The following PALMD variants were observed in gnomAD, a reference collection of about 807,000 sequenced individuals.
PALMD encodes the protein paralemmin-like protein.
PALMD carries 42 observed loss-of-function variants against 56.2 expected under a neutral mutation model. That is an observed-to-expected ratio of 0.75 (90% CI 0.58 to 0.97). The LOEUF is 0.97. Among genes scored for constraint, PALMD ranks in the 50% least tolerant of loss-of-function variants. PALMD has a pLI of 0.00. For missense variants in PALMD, 660 were observed against 643.8 expected, an observed-to-expected ratio of 1.03 and a Z score of -0.27; for synonymous variants, 242 against 222.9, an observed-to-expected ratio of 1.09 and a Z score of -0.76.
At position 99,689,064 on chromosome 1, in the gene PALMD, G is replaced by A. The variant is rs1314139713; in HGVS notation, c.804G>A (p.Arg268=). 1.9e-6 allele frequency: 3 copies of A among 1,613,602 alleles called. No individual in the cohort carries two copies. The highest frequency in any genetic ancestry group is 1.7e-6 in the Non-Finnish European group (2 of 1,179,766). ...CTGTATATGCCAATCCCTTTTACAG[G>A]CCTACAACCCCACAGAGAGAAACGG... The part of the protein sequence containing the change: ...HEPVYANPFY[R]PTTPQRETVT... Residue 268 remains arginine (R), a synonymous_variant, in exon 7 of 8, where the codon AGG becomes AGA. Transcript: ENST00000263174.
In PALMD at chr1:99,689,600, TTGA is replaced by T. The variant is rs1358346019; in HGVS notation, c.1347_1349del (p.Asp449del). ...ATCATCCATGCTGAGCTGGTTGTGA[TTGA>T]TGATGAGGAGGAGGAGGATGAAGGA... On this transcript the variant is annotated inframe_deletion, in exon 7 of 8. Coordinates refer to ENST00000263174, the MANE Select transcript of PALMD (RefSeq NM_017734.5). The T allele has an allele frequency of 1.8e-5, 29 of 1,613,682 alleles. No individual in the cohort carries two copies. Among genetic ancestry groups the T allele is most frequent in the Non-Finnish European group, 2.2e-5 (26 of 1,179,850 alleles).
intron 2 of PALMD, 144 bp from the exon 3 acceptor site, chr1:99,667,498 C>A: frequency 1.4e-6 from 1 of 710,498 alleles, no homozygotes; most frequent in Non-Finnish European, 2.5e-6. Flanking sequence ...AAGAAAATAC[C>A]AGATTTATTC....
At chr1:99,658,559 C>G (rs957744723) in intron 1 of PALMD, among the ~76,000 whole-genome samples, 2 of 151,828 alleles carry the variant, frequency 1.3e-5, no homozygotes, top group Non-Finnish European at 2.9e-5. Context: ...ATCACGAGGT[C>G]AGGAGATCGA....
rs1557668738 is a variant in PALMD, at chr1:99,662,411, C to G, written c.126+12C>G. 3 of 1,363,772 alleles carry G rather than the reference C, an allele frequency of 2.2e-6. No homozygotes were observed. The highest frequency in any genetic ancestry group is 3.1e-6 in the Non-Finnish European group (3 of 967,866). 84.5% of individuals were successfully genotyped at this position (1,363,772 alleles called of 1,614,324 possible). ...ACCAGCATTTGAAGGTAATTTATGG[C>G]TTTAATTTCATTTCAATGATTTTGT... On this transcript the variant is annotated intron_variant, in intron 2 of 7. Coordinates refer to ENST00000263174, the MANE Select transcript of PALMD (RefSeq NM_017734.5).
At chr1:99,662,263 G>A in intron 1 of PALMD, 56 bp from the exon 2 acceptor site, 1 of 934,806 alleles carries the variant, frequency 1.1e-6, no homozygotes, top group Non-Finnish European at 1.7e-6. Flanking sequence ...CAACCCCAAG[G>A]AAACATAATT....
rs12073061 is a variant in PALMD, at chr1:99,676,359, C to T, written c.251+8593C>T. 6.1e-3 allele frequency among the ~76,000 whole-genome samples: 929 copies of T among 152,204 alleles called. 12 individuals carry two copies. Among genetic ancestry groups the T allele is most frequent in the African/African-American group, 0.021 (881 of 41,538 alleles). On this transcript the variant is annotated intron_variant, in intron 3 of 7. Transcript: ENST00000263174. The stretch of plus-strand genomic sequence containing the variant: ...TTTGTTCTCACCTACTGTCTATGCA[C>T]TGAATTATTCTTCATCTTTTTTGAT...
In PALMD at chr1:99,680,826, A is replaced by G. The variant is rs114671786; in HGVS notation, c.252-5850A>G. 5.8e-3 allele frequency among the ~76,000 whole-genome samples: 887 copies of G among 151,992 alleles called. 9 individuals are homozygous for G. Among genetic ancestry groups the G allele is most frequent in the African/African-American group, 0.021 (852 of 41,390 alleles). On this transcript the variant is annotated intron_variant, in intron 3 of 7. Coordinates refer to ENST00000263174, the MANE Select transcript of PALMD (RefSeq NM_017734.5). ...TATATCTATGTACATGCATACATGT[A>G]TGTGTATATGTGTGTATATATATGC...
chr1:99,652,526 C>A (rs1000728457), intron 1 of PALMD, among the ~76,000 whole-genome samples: 5 of 151,806 alleles, frequency 3.3e-5, no homozygotes, highest in Non-Finnish European at 5.9e-5. Flanking sequence ...ATTGCTTGAA[C>A]CTGGGAGGCA....
intron 1 of PALMD, among the ~76,000 whole-genome samples, chr1:99,659,730 C>T (rs1177413544): frequency 2.0e-5 from 3 of 152,174 alleles, no homozygotes; most frequent in African/African-American, 7.2e-5. Flanking sequence ...GGCAAAGGAA[C>T]AATAACTCTG....
chr1:99,679,204 A>G (rs1478266184), intron 3 of PALMD, among the ~76,000 whole-genome samples: 1 of 152,166 alleles, frequency 6.6e-6, no homozygotes, highest in Non-Finnish European at 1.5e-5. Flanking sequence ...CAAAGTATAG[A>G]TAAGAGCCAG....
At chr1:99,650,868 A>G (rs1452686855) in intron 1 of PALMD, among the ~76,000 whole-genome samples, 2 of 152,200 alleles carry the variant, frequency 1.3e-5, no homozygotes, top group African/African-American at 4.8e-5. Context: ...GAGAGTAAAA[A>G]CAAGTGTAAA....
At chr1:99,649,868 G>C (rs993105186) in intron 1 of PALMD, among the ~76,000 whole-genome samples, 5 of 152,146 alleles carry the variant, frequency 3.3e-5, no homozygotes, top group Non-Finnish European at 7.3e-5. Flanking sequence ...AAGAGAGTAA[G>C]AAGAAAGCTG....
At chr1:99,686,629 C>A in intron 3 of PALMD, 47 bp from the exon 4 acceptor site, 1 of 932,544 alleles carries the variant, frequency 1.1e-6, no homozygotes, top group Non-Finnish European at 1.7e-6. Flanking sequence ...GAGAACTCCG[C>A]ATTTGTACTG....
At position 99,683,088 on chromosome 1, in the gene PALMD, G is replaced by A. The variant is rs11166293; in HGVS notation, c.252-3588G>A. 3.1e-3 allele frequency among the ~76,000 whole-genome samples: 85 copies of A among 27,208 alleles called. 2 individuals carry two copies. Among genetic ancestry groups the A allele is most frequent in the South Asian group, 6.1e-3 (5 of 826 alleles). The allele number at this position is 27,208 out of a possible 152,430, so 17.8% of individuals were successfully genotyped here. A position where few individuals can be genotyped will look rare whatever the true frequency, so the allele number is the denominator to read the frequency against. On this transcript the variant is annotated intron_variant, in intron 3 of 7. Coordinates refer to ENST00000263174, the MANE Select transcript of PALMD (RefSeq NM_017734.5). ...AGAGAGAGAGAGAGAGAGAGAGAGA[G>A]AGAAAGAAAGAAAGAAAGAAAGAAA...
At chr1:99,691,520 C>T (rs541849428) in intron 7 of PALMD, among the ~76,000 whole-genome samples, 1 of 152,278 alleles carries the variant, frequency 6.6e-6, no homozygotes, top group East Asian at 1.9e-4. Context: ...AAATTCCTTG[C>T]CTTCCACCAT....
Position 99,689,839 on chromosome 1 carries a change from A to G in PALMD, c.1579A>G (p.Thr527Ala). ...CCATTCCCCATTTGATGCTCAGACA[A>G]CTGGAGATGGGACTGAGGATCCATC... The part of the protein sequence containing the change: ...VHHSPFDAQT[T>A]GDGTEDPSLT... Residue 527 changes from threonine (T) to alanine (A), a missense_variant, in exon 7 of 8, where the codon ACT (threonine) becomes GCT (alanine). Coordinates refer to ENST00000263174, the MANE Select transcript of PALMD (RefSeq NM_017734.5). 3.7e-6 allele frequency: 6 copies of G among 1,611,728 alleles called. No individual in the cohort carries two copies. The highest frequency in any genetic ancestry group is 5.1e-6 in the Non-Finnish European group (6 of 1,179,524).
rs1436559183 is a variant in PALMD at position 99,646,171 on chromosome 1, C to T, written c.-147C>T. ...CTGCTCGGAGACGCTCCTGACAAGT[C>T]GGGAATTTCTCTATTTCTCCACTGG... On this transcript the variant is annotated 5_prime_UTR_variant, in exon 1 of 8. Transcript: ENST00000263174. 1.8e-5 allele frequency: 12 copies of T among 672,624 alleles called. No homozygotes were observed. Among genetic ancestry groups the T allele is most frequent in the Admixed American group, 1.4e-4 (6 of 42,014 alleles). 41.7% of individuals were successfully genotyped at this position (672,624 alleles called of 1,614,324 possible).
chr1:99,689,811 C>G lies in PALMD; in HGVS notation c.1551C>G (p.Val517=), dbSNP rs767280711. The G allele has an allele frequency of 3.7e-6, 6 of 1,613,052 alleles. No homozygotes were observed. Among genetic ancestry groups the G allele is most frequent in the Admixed American group, 3.3e-5 (2 of 59,902 alleles). ...AAGAAGAAAGCTTAGGCAGCCCTGT[C>G]CACCATTCCCCATTTGATGCTCAGA... ...KEQEESLGSP[V]HHSPFDAQTT... The change falls in exon 7 of 8, where the codon GTC becomes GTG. Residue 517 remains valine (V), a synonymous_variant. Coordinates refer to ENST00000263174, the MANE Select transcript of PALMD (RefSeq NM_017734.5).
In PALMD at chr1:99,694,125, C is replaced by T. The variant is rs933271899; in HGVS notation, c.*63C>T. 6 of 1,130,536 alleles carry T rather than the reference C, an allele frequency of 5.3e-6. No individual in the cohort carries two copies. The highest frequency in any genetic ancestry group is 7.8e-6 in the Non-Finnish European group (6 of 770,442). The allele number at this position is 1,130,536 out of a possible 1,614,324, so 70.0% of individuals were successfully genotyped here. On this transcript the variant is annotated 3_prime_UTR_variant, in exon 8 of 8. Coordinates refer to ENST00000263174, the MANE Select transcript of PALMD (RefSeq NM_017734.5). ...AACTAAGAAGCATTTGCAAATTTCT[C>T]TTCTGGATATTTTGTTTATTTTTTC...
Sources: allele counts gnomAD v4.1 joint callset (sites outside exome capture counted in the v4.1 genomes callset), GRCh38; gene constraint gnomAD v4.1.1; transcripts MANE v1.5; gene names NCBI Gene and HGNC (gene_info 2026-07-23, HGNC 2026-07-21).